CNRIP1: variants seen among roughly 807,000 people sequenced by gnomAD.
CNRIP1 encodes cannabinoid receptor interacting protein 1.
In CNRIP1, 10 loss-of-function variants were observed where a neutral mutation model predicts 15.2. That is an observed-to-expected ratio of 0.66 (90% CI 0.41 to 1.12). CNRIP1 has a LOEUF of 1.12. CNRIP1 is among the 50% of genes most tolerant of loss of function. The pLI is 0.00. For missense variants in CNRIP1, 211 were observed against 214.7 expected, an observed-to-expected ratio of 0.98 and a Z score of 0.11; for synonymous variants, 91 against 83.2, an observed-to-expected ratio of 1.09 and a Z score of -0.51.
intron 2 of CNRIP1, among the ~76,000 whole-genome samples, chr2:68,297,308 T>C (rs1224349804): frequency 6.6e-6 from 1 of 152,118 alleles, no homozygotes; most frequent in Non-Finnish European, 1.5e-5. Flanking sequence ...GGCTCATGCC[T>C]GTAATGCCAG....
At chr2:68,318,745 C>A (rs1573042727) in intron 1 of CNRIP1, among the ~76,000 whole-genome samples, 1 of 152,220 alleles carries the variant, frequency 6.6e-6, no homozygotes, top group African/African-American at 2.4e-5. Flanking sequence ...CCAGTAATCA[C>A]CCCTCCCCTG....
intron 2 of CNRIP1, among the ~76,000 whole-genome samples, chr2:68,295,928 T>C (rs1671340022): frequency 6.6e-6 from 1 of 152,198 alleles, no homozygotes; most frequent in Admixed American, 6.5e-5. Context: ...GAAATATCCA[T>C]TTTTAGTGAG....
chr2:68,311,964 A>C (rs1672093657), intron 2 of CNRIP1, among the ~76,000 whole-genome samples: 2 of 152,154 alleles, frequency 1.3e-5, no homozygotes, highest in Non-Finnish European at 2.9e-5. Context: ...AAACCTGAAT[A>C]GCCCGATATC....
At chr2:68,310,134 C>T (rs748830000) in intron 2 of CNRIP1, among the ~76,000 whole-genome samples, 11 of 152,040 alleles carry the variant, frequency 7.2e-5, no homozygotes, top group Non-Finnish European at 1.0e-4. Flanking sequence ...TCGAGACCAG[C>T]GTGGCCAACA....
intron 2 of CNRIP1, among the ~76,000 whole-genome samples, chr2:68,287,481 C>A (rs1206951231): frequency 6.6e-6 from 1 of 152,208 alleles, no homozygotes; most frequent in Non-Finnish European, 1.5e-5. Context: ...CTATACATTT[C>A]AACATTTTTC....
At chr2:68,303,136 G>A (rs563010916) in intron 2 of CNRIP1, among the ~76,000 whole-genome samples, 10 of 152,156 alleles carry the variant, frequency 6.6e-5, no homozygotes, top group South Asian at 4.2e-4. Context: ...GTGAGTCACC[G>A]CGCCCGGCCG....
chr2:68,291,132 C>T (rs1671158304), downstream of CNRIP1, among the ~76,000 whole-genome samples: 1 of 152,178 alleles, frequency 6.6e-6, no homozygotes, highest in Non-Finnish European at 1.5e-5. Context: ...ATAAGTAGAA[C>T]AGTATATGCC....
chr2:68,311,134 A>G (rs1174720270), intron 2 of CNRIP1, among the ~76,000 whole-genome samples: 2 of 152,236 alleles, frequency 1.3e-5, no homozygotes, highest in Non-Finnish European at 2.9e-5. Context: ...TAACAAAACA[A>G]TGGTTAATAA....
downstream of CNRIP1, among the ~76,000 whole-genome samples, chr2:68,292,733 C>T (rs756976296): frequency 6.6e-6 from 1 of 152,102 alleles, no homozygotes; most frequent in Non-Finnish European, 1.5e-5. Flanking sequence ...CATAGCTCAC[C>T]AACTGGGGAG....
intron 2 of CNRIP1, among the ~76,000 whole-genome samples, chr2:68,303,024 T>C (rs902893586): frequency 6.6e-6 from 1 of 152,020 alleles, no homozygotes; most frequent in South Asian, 2.1e-4. Context: ...ATTTTTTGTA[T>C]TTTTAGTAGA....
At chr2:68,308,161 C>G (rs1368666352) in intron 2 of CNRIP1, among the ~76,000 whole-genome samples, 2 of 151,950 alleles carry the variant, frequency 1.3e-5, no homozygotes, top group Non-Finnish European at 2.9e-5. Context: ...CCACTGCACT[C>G]TAGCCTGGGT....
intron 2 of CNRIP1, among the ~76,000 whole-genome samples, chr2:68,307,958 T>C (rs55723363): frequency 0.016 from 2,386 of 152,178 alleles, 73 homozygotes; most frequent in African/African-American, 0.053. Context: ...TTTGGGAGGC[T>C]GAGGTGAGAG....
chr2:68,317,793 A>C (rs771406060), intron 1 of CNRIP1, among the ~76,000 whole-genome samples: 1 of 152,250 alleles, frequency 6.6e-6, no homozygotes, highest in African/African-American at 2.4e-5. Context: ...TAGAAAACAA[A>C]TTCTTAGGCC....
chr2:68,307,205 T>C (rs2103666376), intron 2 of CNRIP1, among the ~76,000 whole-genome samples: 1 of 152,342 alleles, frequency 6.6e-6, no homozygotes, highest in East Asian at 1.9e-4. Context: ...TGTCAAACTA[T>C]TGTTACAATT....
chr2:68,289,252 T>C (rs1478457643), downstream of CNRIP1, among the ~76,000 whole-genome samples: 1 of 152,202 alleles, frequency 6.6e-6, no homozygotes, highest in Non-Finnish European at 1.5e-5. Flanking sequence ...TTAAGATGGC[T>C]GTTTGTGGAA....
At chr2:68,305,063 G>A (rs940265330) in intron 2 of CNRIP1, among the ~76,000 whole-genome samples, 20 of 152,020 alleles carry the variant, frequency 1.3e-4, no homozygotes, top group South Asian at 6.2e-4. Flanking sequence ...TGACAAACAC[G>A]GAGAAACCCT....
At chr2:68,306,307 G>A (rs992418207) in intron 2 of CNRIP1, among the ~76,000 whole-genome samples, 3 of 135,880 alleles carry the variant, frequency 2.2e-5, no homozygotes, top group Non-Finnish European at 4.7e-5. Context: ...CCTGGTAATA[G>A]TGAGATCCTA....
intron 2 of CNRIP1, among the ~76,000 whole-genome samples, chr2:68,306,505 G>T (rs532781464): frequency 6.6e-6 from 1 of 152,204 alleles, no homozygotes; most frequent in South Asian, 2.1e-4. Flanking sequence ...TGGCGACCAG[G>T]CACAGTGGCT....
At chr2:68,284,375 A>G (rs77583283) in exon 3 of CNRIP1, 1 of 96,210 alleles carries the variant, frequency 1.0e-5, no homozygotes, top group Non-Finnish European at 1.4e-5. Flanking sequence ...AATAATTTGG[A>G]AAAAAAAAAA....
Sources: allele counts gnomAD v4.1 joint callset (sites outside exome capture counted in the v4.1 genomes callset), GRCh38; gene constraint gnomAD v4.1.1; transcripts MANE v1.5; gene names NCBI Gene and HGNC (gene_info 2026-07-23, HGNC 2026-07-21).